RNF168: variants seen among roughly 807,000 people sequenced by gnomAD.
RNF168 encodes ring finger protein 168.
Under a neutral mutation model 34.9 loss-of-function variants are expected in RNF168, and 34 were observed. That is an observed-to-expected ratio of 0.97 (90% CI 0.74 to 1.30). RNF168 has a LOEUF of 1.30. RNF168 is among the 50% of genes most tolerant of loss of function. RNF168 has a pLI of 0.00. For missense variants in RNF168, 725 were observed against 682.5 expected (o/e 1.06, Z -0.69); for synonymous variants, 264 against 254.7 (o/e 1.04, Z -0.35).
At chr3:196,484,473 C>CTTTT (rs377178675) in intron 3 of RNF168, among the ~76,000 whole-genome samples, 2 of 97,432 alleles carry the variant, frequency 2.1e-5, no homozygotes, top group South Asian at 3.5e-4. Context: ...CGCGCCCGGC[C>CTTTT]TTTTTTTTTT....
At chr3:196,497,272 A>G (rs1453673184) in intron 1 of RNF168, among the ~76,000 whole-genome samples, 1 of 152,228 alleles carries the variant, frequency 6.6e-6, no homozygotes, top group South Asian at 2.1e-4. Context: ...CTTTTCAACA[A>G]AAGGTACAGA....
chr3:196,484,023 T>C (rs7646273), intron 3 of RNF168, 132 bp from the exon 4 acceptor site: 431,836 of 707,840 alleles, frequency 0.61, 137,676 homozygotes, highest in African/African-American at 0.76. Context: ...TCTGTACATC[T>C]CTTGAAGAAT....
intron 1 of RNF168, among the ~76,000 whole-genome samples, chr3:196,495,914 C>T (rs1732732281): frequency 1.3e-5 from 2 of 152,164 alleles, no homozygotes; most frequent in Non-Finnish European, 2.9e-5. Flanking sequence ...GTAAAACACA[C>T]CTGTCTCCGT....
In RNF168 at chr3:196,476,159, G is replaced by A. The variant is rs529337849; in HGVS notation, c.681-847C>T. The stretch of plus-strand genomic sequence containing the variant: ...ACAGCCGTGAGCCACTGCGCCCAGC[G>A]TAAATATTTCTTAATTCTTGAAAAA... On this transcript the variant is annotated intron_variant, in intron 4 of 5. Coordinates refer to ENST00000318037, the MANE Select transcript of RNF168 (RefSeq NM_152617.4). Among the ~76,000 whole-genome samples the A allele has an allele frequency of 2.4e-4, 36 of 151,898 alleles. No homozygotes were observed. In the South Asian group the frequency reaches 6.4e-3, roughly 27 times the overall value.
At position 196,493,934 on chromosome 3, in the gene RNF168, T is replaced by C. The variant is rs149684590; in HGVS notation, c.302-5251A>G. On this transcript the variant is annotated intron_variant, in intron 1 of 5. Transcript: ENST00000318037. Reference sequence around the variant, plus strand: ...GTGGTGCAATCTCAGCTCACTGCAGTGTCCACCTCCCAGGCTCAAGCAATG... The same window carrying C: ...GTGGTGCAATCTCAGCTCACTGCAGCGTCCACCTCCCAGGCTCAAGCAATG... Among the ~76,000 whole-genome samples, 866 of 151,376 alleles carry C rather than the reference T, an allele frequency of 5.7e-3. 13 individuals carry two copies. Among genetic ancestry groups the C allele is most frequent in the African/African-American group, 0.02 (829 of 41,212 alleles).
chr3:196,488,508 A>C (rs1307659108), intron 2 of RNF168, 99 bp downstream of exon 2: 2 of 706,828 alleles, frequency 2.8e-6, no homozygotes, highest in African/African-American at 3.7e-5. Context: ...CCATATTTCA[A>C]GATATACTAG....
At chr3:196,483,665 A>G (rs1560270273) in intron 4 of RNF168, 105 bp downstream of exon 4, 2 of 983,160 alleles carry the variant, frequency 2.0e-6, no homozygotes, top group East Asian at 2.4e-5. Context: ...ATTTTCATAC[A>G]AAGTTCACGG....
At chr3:196,488,752 T>A in intron 1 of RNF168, 69 bp from the exon 2 acceptor site, 1 of 973,894 alleles carries the variant, frequency 1.0e-6, no homozygotes, top group Non-Finnish European at 1.6e-6. Context: ...GGTCTTCCAT[T>A]AAAACGAAAA....
At chr3:196,500,868 T>C (rs373946590) in intron 1 of RNF168, among the ~76,000 whole-genome samples, 7,081 of 146,736 alleles carry the variant, frequency 0.048, 256 homozygotes, top group Middle Eastern at 0.17. Flanking sequence ...CGTGCCAACA[T>C]GCCCGGCTAA....
intron 4 of RNF168, among the ~76,000 whole-genome samples, chr3:196,483,565 T>C (rs747916583): frequency 6.6e-6 from 1 of 152,224 alleles, no homozygotes; most frequent in Non-Finnish European, 1.5e-5. Flanking sequence ...GATAAAAGTA[T>C]GAATCTGCCA....
Position 196,487,590 on chromosome 3 carries a change from TTAA to T in RNF168, c.379-15_379-13del. 1 of 1,613,396 alleles carries T rather than the reference TTAA, an allele frequency of 6.2e-7. No homozygotes were observed. Among genetic ancestry groups the T allele is most frequent in the Non-Finnish European group, 8.5e-7 (1 of 1,179,348 alleles). On this transcript the variant is annotated splice_polypyrimidine_tract_variant and intron_variant, in intron 2 of 5. Coordinates refer to ENST00000318037, the MANE Select transcript of RNF168 (RefSeq NM_152617.4). ...CGCTCTGCCGCCACCTTAAAAGTGA[TTAA>T]TAAAGAGCAATCCTTCTCTGAACGT...
chr3:196,471,445 G>C lies in RNF168; in HGVS notation c.*374C>G, dbSNP rs953596665. Reference sequence around the variant, plus strand: ...CCTGCATGGGTTCCTTAATCACTCAGAATAGTATAATCTTGCTTTGATTAC... The same window carrying C: ...CCTGCATGGGTTCCTTAATCACTCACAATAGTATAATCTTGCTTTGATTAC... On this transcript the variant is annotated 3_prime_UTR_variant, in exon 6 of 6. Coordinates refer to ENST00000318037, the MANE Select transcript of RNF168 (RefSeq NM_152617.4). 1 of 227,668 alleles carries C rather than the reference G, an allele frequency of 4.4e-6. No homozygotes were observed. 14.1% of individuals were successfully genotyped at this position (227,668 alleles called of 1,614,324 possible).
chr3:196,494,715 A>C (rs1196047048), intron 1 of RNF168, among the ~76,000 whole-genome samples: 1 of 152,168 alleles, frequency 6.6e-6, no homozygotes, highest in Non-Finnish European at 1.5e-5. Context: ...CTGGATCATC[A>C]CCAAGTAGTG....
At chr3:196,489,647 A>C (rs1732543475) in intron 1 of RNF168, among the ~76,000 whole-genome samples, 1 of 152,228 alleles carries the variant, frequency 6.6e-6, no homozygotes, top group African/African-American at 2.4e-5. Flanking sequence ...AATTTTTAAC[A>C]AATTTCTAGA....
intron 4 of RNF168, among the ~76,000 whole-genome samples, chr3:196,476,695 C>T (rs1043595960): frequency 1.3e-5 from 2 of 151,648 alleles, no homozygotes; most frequent in Admixed American, 6.6e-5. Flanking sequence ...GGATAACATG[C>T]GTGAGCCACC....
intron 1 of RNF168, among the ~76,000 whole-genome samples, chr3:196,490,646 T>C (rs958866628): frequency 6.6e-6 from 1 of 151,954 alleles, no homozygotes; most frequent in African/African-American, 2.4e-5. Context: ...GATGTTAATA[T>C]GAAATCTTCC....
intron 3 of RNF168, among the ~76,000 whole-genome samples, chr3:196,486,771 A>G (rs1230937120): frequency 6.6e-6 from 1 of 152,266 alleles, no homozygotes; most frequent in Non-Finnish European, 1.5e-5. Flanking sequence ...GCTTTCCTAC[A>G]TATAAAAAAG....
intron 1 of RNF168, among the ~76,000 whole-genome samples, chr3:196,499,040 C>T (rs1348798850): frequency 6.6e-6 from 1 of 151,836 alleles, no homozygotes; most frequent in Non-Finnish European, 1.5e-5. Flanking sequence ...AATAACCCCC[C>T]AAAAGATATG....
At chr3:196,477,753 A>G (rs1732182785) in intron 4 of RNF168, among the ~76,000 whole-genome samples, 1 of 152,216 alleles carries the variant, frequency 6.6e-6, no homozygotes. Flanking sequence ...TTCCTTATTT[A>G]TAATAACCAA....
Sources: allele counts gnomAD v4.1 joint callset (sites outside exome capture counted in the v4.1 genomes callset), GRCh38; gene constraint gnomAD v4.1.1; transcripts MANE v1.5; gene names NCBI Gene and HGNC (gene_info 2026-07-23, HGNC 2026-07-21).